LARGE1: variants seen among roughly 807,000 people sequenced by gnomAD.
LARGE1 encodes xylosyl- and glucuronyltransferase LARGE1.
In LARGE1, 43 loss-of-function variants were observed where a neutral mutation model predicts 87.6. That is an observed-to-expected ratio of 0.49 (90% CI 0.38 to 0.63). The LOEUF is 0.63. Among genes scored for constraint, LARGE1 ranks in the 30% least tolerant of loss-of-function variants. The pLI is 0.00. For synonymous variants in LARGE1, 434 were observed against 394.6 expected (o/e 1.10, Z -1.18); for missense variants, 802 against 1,000.2 (o/e 0.80, Z 2.67).
downstream of LARGE1, among the ~76,000 whole-genome samples, chr22:33,159,478 T>C (rs935409731): frequency 6.6e-6 from 1 of 151,682 alleles, no homozygotes; most frequent in East Asian, 1.9e-4. Context: ...TTTTACCAGA[T>C]AAAAATTAGG....
At chr22:33,283,976 G>C (rs1270347366) in intron 12 of LARGE1, among the ~76,000 whole-genome samples, 1 of 152,156 alleles carries the variant, frequency 6.6e-6, no homozygotes, top group Non-Finnish European at 1.5e-5. Flanking sequence ...GGAGCCCTGG[G>C]AGGCAAAGCA....
intron 11 of LARGE1, among the ~76,000 whole-genome samples, chr22:33,209,054 T>C (rs1035764758): frequency 6.6e-6 from 1 of 152,222 alleles, no homozygotes; most frequent in African/African-American, 2.4e-5. Flanking sequence ...GTTTTTATAA[T>C]AGAATGATTT....
At chr22:33,915,450 T>A (rs1417343162) in intron 1 of LARGE1, among the ~76,000 whole-genome samples, 4 of 152,076 alleles carry the variant, frequency 2.6e-5, no homozygotes, top group Admixed American at 2.6e-4. Flanking sequence ...TCATATTATA[T>A]CATTTGTCAA....
At chr22:33,733,960 G>A (rs2083561774) in intron 2 of LARGE1, among the ~76,000 whole-genome samples, 1 of 152,152 alleles carries the variant, frequency 6.6e-6, no homozygotes, top group African/African-American at 2.4e-5. Flanking sequence ...CTGCCTCACA[G>A]TTTTAGAGGC....
At chr22:33,667,330 G>A (rs955437852) in intron 2 of LARGE1, among the ~76,000 whole-genome samples, 1 of 152,256 alleles carries the variant, frequency 6.6e-6, no homozygotes, top group African/African-American at 2.4e-5. Context: ...CAAATTCTAA[G>A]TATCTGATGG....
intron 2 of LARGE1, among the ~76,000 whole-genome samples, chr22:33,755,817 G>A (rs2084491530): frequency 1.3e-5 from 2 of 152,162 alleles, no homozygotes; most frequent in Admixed American, 1.3e-4. Flanking sequence ...TAGACACTGG[G>A]AGTGTAACGA....
chr22:33,249,457 T>A (rs1469470391), intron 11 of LARGE1, among the ~76,000 whole-genome samples: 3 of 152,222 alleles, frequency 2.0e-5, no homozygotes, highest in Non-Finnish European at 2.9e-5. Context: ...ATCAGATGTG[T>A]CTTTTGCAAA....
chr22:33,816,689 T>TAGATAGATAGAC (rs1230056474), intron 1 of LARGE1, among the ~76,000 whole-genome samples: 5 of 132,362 alleles, frequency 3.8e-5, no homozygotes, highest in African/African-American at 1.3e-4. Context: ...GATAGATAGA[T>TAGATAGATAGAC]AGACAGACAG....
At chr22:33,638,383 A>G (rs2080330493) in intron 3 of LARGE1, among the ~76,000 whole-genome samples, 1 of 152,244 alleles carries the variant, frequency 6.6e-6, no homozygotes, top group Non-Finnish European at 1.5e-5. Context: ...CTTTTAGAAG[A>G]ACAGACAGAT....
chr22:33,771,308 A>G (rs1171177544), intron 1 of LARGE1, among the ~76,000 whole-genome samples: 1 of 151,858 alleles, frequency 6.6e-6, no homozygotes, highest in African/African-American at 2.4e-5. Context: ...GGAAAATCCA[A>G]CGCTTCAGAT....
At chr22:33,781,728 C>T (rs192934436) in intron 1 of LARGE1, among the ~76,000 whole-genome samples, 22 of 152,278 alleles carry the variant, frequency 1.4e-4, no homozygotes, top group African/African-American at 5.1e-4. Flanking sequence ...TGCCAAACCC[C>T]GTGCTAAGTA....
At chr22:33,665,566 C>G (rs1452087168) in intron 2 of LARGE1, among the ~76,000 whole-genome samples, 1 of 152,170 alleles carries the variant, frequency 6.6e-6, no homozygotes, top group East Asian at 1.9e-4. Context: ...GATTTCAGTT[C>G]TCTGAAACGG....
At chr22:33,145,789 T>C in the LARGE1 span, among the ~76,000 whole-genome samples, 1 of 152,204 alleles carries the variant, frequency 6.6e-6, no homozygotes, top group African/African-American at 2.4e-5. Context: ...GCTCACCAAA[T>C]TGGCAATGGC....
intron 8 of LARGE1, among the ~76,000 whole-genome samples, chr22:33,383,468 G>A (rs2065225074): frequency 6.6e-6 from 1 of 152,126 alleles, no homozygotes; most frequent in African/African-American, 2.4e-5. Flanking sequence ...GCTGAGGCAG[G>A]AGAATTGCTT....
In LARGE1 at chr22:33,920,302, GC is replaced by G. The variant is rs2147019285; in HGVS notation, c.-391del. 6.6e-6 allele frequency: 1 copy of G among 152,624 alleles called. No homozygotes were observed. The highest frequency in any genetic ancestry group is 1.9e-4 in the East Asian group (1 of 5,150). 9.5% of individuals were successfully genotyped at this position (152,624 alleles called of 1,614,324 possible). ...CCCGCATGGGCAGGGGCCTGGGTCAGCCTCGGGTTGGGTCCAGGGAGCGACC... is the reference window on the plus strand; with the variant it reads ...CCCGCATGGGCAGGGGCCTGGGTCAGCTCGGGTTGGGTCCAGGGAGCGACC... On this transcript the variant is annotated 5_prime_UTR_variant, in exon 1 of 15. Transcript: ENST00000397394.
chr22:33,301,330 G>T (rs192575904), intron 12 of LARGE1, among the ~76,000 whole-genome samples: 2 of 152,288 alleles, frequency 1.3e-5, no homozygotes, highest in East Asian at 3.9e-4. Flanking sequence ...GAATTGTCTA[G>T]GTCAGAGGTT....
At position 33,718,765 on chromosome 22, in the gene LARGE1, C is replaced by T. The variant is rs950425551; in HGVS notation, c.106+42606G>A. The stretch of plus-strand genomic sequence containing the variant: ...GGTCTCAGCTAAAGTAAAGTGTGTA[C>T]TTGTATCTTTGTTTTGTTTTCTTTT... On this transcript the variant is annotated intron_variant, in intron 2 of 14. Coordinates refer to ENST00000397394, the MANE Select transcript of LARGE1 (RefSeq NM_133642.5). Among the ~76,000 whole-genome samples the T allele has an allele frequency of 2.6e-5, 4 of 152,004 alleles. No homozygotes were observed. In the South Asian group the frequency reaches 8.3e-4, roughly 32 times the overall value.
chr22:33,753,541 T>G (rs1008415631), intron 2 of LARGE1, among the ~76,000 whole-genome samples: 21 of 149,468 alleles, frequency 1.4e-4, no homozygotes, highest in East Asian at 7.8e-4. Context: ...AAATGTATGG[T>G]TTTTTTTTAA....
At chr22:33,870,819 T>C (rs2146672869) in intron 1 of LARGE1, among the ~76,000 whole-genome samples, 1 of 152,292 alleles carries the variant, frequency 6.6e-6, no homozygotes, top group South Asian at 2.1e-4. Flanking sequence ...CCGTTCACCT[T>C]GGCCTCCCAA....
Sources: allele counts gnomAD v4.1 joint callset (sites outside exome capture counted in the v4.1 genomes callset), GRCh38; gene constraint gnomAD v4.1.1; transcripts MANE v1.5; gene names NCBI Gene and HGNC (gene_info 2026-07-23, HGNC 2026-07-21).